CPA5: variants seen among roughly 807,000 people sequenced by gnomAD.
The protein encoded by CPA5 is testicular tissue protein Li 32.
CPA5 carries 38 observed loss-of-function variants against 52.2 expected under a neutral mutation model. The ratio of observed to expected loss-of-function variants is 0.73; its 90% CI spans 0.56 to 0.95. The LOEUF is 0.95. Among genes scored for constraint, CPA5 ranks in the 40% least tolerant of loss-of-function variants. The pLI, the probability that CPA5 is intolerant of heterozygous loss-of-function variation, is 0.00. For synonymous variants in CPA5, 198 were observed against 213.7 expected (o/e 0.93, Z 0.64); for missense variants, 519 against 566.7 (o/e 0.92, Z 0.86).
chr7:130,349,948 GCTCT>G (rs782233449), intron 4 of CPA5, 23 bp from the exon 5 acceptor site: 17 of 1,604,954 alleles, frequency 1.1e-5, no homozygotes, highest in Non-Finnish European at 1.4e-5. Context: ...GAGTAATGCA[GCTCT>G]CTCTCTTTCC....
Position 130,345,035 on chromosome 7 carries a change from T to C in CPA5, c.-322T>C, listed in dbSNP as rs1304995387. The C allele has an allele frequency of 2.6e-5, 4 of 152,232 alleles. No individual in the cohort carries two copies. Among genetic ancestry groups the C allele is most frequent in the Non-Finnish European group, 5.9e-5 (4 of 68,050 alleles). 9.4% of individuals were successfully genotyped at this position (152,232 alleles called of 1,614,324 possible). A position where few individuals can be genotyped will look rare whatever the true frequency, so the allele number is the denominator to read the frequency against. On this transcript the variant is annotated 5_prime_UTR_variant, in exon 1 of 13. Transcript: ENST00000474905. ...TATTGTTTAGCAGTACACCCTTTTA[T>C]CTCCATTGCTACTGAAGCTGAATGT...
At chr7:130,346,698 G>A in intron 3 of CPA5, 97 bp downstream of exon 3, 2 of 954,640 alleles carry the variant, frequency 2.1e-6, no homozygotes, top group Non-Finnish European at 3.3e-6. Context: ...CCTGATCAAG[G>A]CGGAGAGTCA....
intron 6 of CPA5, 79 bp downstream of exon 6, chr7:130,359,766 T>C: frequency 1.1e-6 from 1 of 938,742 alleles, no homozygotes; most frequent in Non-Finnish European, 1.7e-6. Context: ...CAGAAACTAG[T>C]GAAGGACTCC....
chr7:130,364,007 A>G (rs563350243), intron 10 of CPA5, among the ~76,000 whole-genome samples: 6 of 152,172 alleles, frequency 3.9e-5, no homozygotes, highest in South Asian at 2.1e-4. Flanking sequence ...CAAGTGTCCA[A>G]TAGAATTAAC....
intron 5 of CPA5, among the ~76,000 whole-genome samples, chr7:130,352,793 C>G (rs1367901190): frequency 6.6e-6 from 1 of 151,608 alleles, no homozygotes; most frequent in East Asian, 1.9e-4. Flanking sequence ...CGAGCGAGCT[C>G]TATTTGCATT....
chr7:130,362,525 T>C lies in CPA5; in HGVS notation c.622T>C (p.Trp208Arg). ...REWITHATGIWTANKIVSDYG... is the reference protein window; with the variant it reads ...REWITHATGIRTANKIVSDYG... ...GTGGATCACCCATGCCACCGGCATCTGGACTGCCAATAAGGTCAGCATGGA... is the reference window on the plus strand; with the variant it reads ...GTGGATCACCCATGCCACCGGCATCCGGACTGCCAATAAGGTCAGCATGGA... Residue 208 changes from tryptophan to arginine, a missense_variant, in exon 8 of 13, where the codon TGG becomes CGG. Physicochemically the swap from Trp to Arg is moderately radical, Grantham distance 101. Transcript: ENST00000474905. 2 of 1,612,950 alleles carry C rather than the reference T, an allele frequency of 1.2e-6. No individual in the cohort carries two copies. The highest frequency in any genetic ancestry group is 1.7e-6 in the Non-Finnish European group (2 of 1,179,062).
intron 11 of CPA5, 101 bp downstream of exon 11, chr7:130,367,672 G>C (rs755590437): frequency 3.3e-6 from 4 of 1,227,662 alleles, no homozygotes; most frequent in Non-Finnish European, 4.8e-6. Flanking sequence ...TCTGAATGCA[G>C]GGGTCTGGGC....
At chr7:130,357,717 C>CT (rs1310928713) in intron 5 of CPA5, among the ~76,000 whole-genome samples, 1 of 151,754 alleles carries the variant, frequency 6.6e-6, no homozygotes, top group African/African-American at 2.4e-5. Flanking sequence ...AATCTGCCTT[C>CT]TTCTATCTTA....
intron 7 of CPA5, among the ~76,000 whole-genome samples, chr7:130,361,872 T>C (rs888107701): frequency 6.6e-6 from 1 of 152,216 alleles, no homozygotes; most frequent in Non-Finnish European, 1.5e-5. Flanking sequence ...GGCAGGTGCC[T>C]GCTGCTGCTC....
At chr7:130,358,449 C>G (rs1795615410) in intron 5 of CPA5, among the ~76,000 whole-genome samples, 1 of 152,174 alleles carries the variant, frequency 6.6e-6, no homozygotes, top group Non-Finnish European at 1.5e-5. Flanking sequence ...TGCTTTAGCT[C>G]TAAAACAGAA....
chr7:130,350,936 G>T (rs962198379), intron 5 of CPA5, among the ~76,000 whole-genome samples: 8 of 152,206 alleles, frequency 5.3e-5, no homozygotes, highest in Non-Finnish European at 1.0e-4. Context: ...TGCTGGCCGT[G>T]TACCTGTGGA....
At chr7:130,352,826 T>A (rs1795246966) in intron 5 of CPA5, among the ~76,000 whole-genome samples, 1 of 152,048 alleles carries the variant, frequency 6.6e-6, no homozygotes, top group South Asian at 2.1e-4. Flanking sequence ...ACCTCGTTCT[T>A]TTCAGCCCTT....
intron 5 of CPA5, among the ~76,000 whole-genome samples, chr7:130,354,145 C>G (rs577958453): frequency 6.6e-6 from 1 of 152,196 alleles, no homozygotes; most frequent in African/African-American, 2.4e-5. Context: ...CCAGGCTGCT[C>G]TTGAACTCCT....
intron 6 of CPA5, 50 bp downstream of exon 6, chr7:130,359,737 T>C: frequency 7.6e-7 from 1 of 1,316,272 alleles, no homozygotes; most frequent in Middle Eastern, 1.8e-4. Flanking sequence ...TTGGGCCCCT[T>C]AGGGTCTCCT....
intron 10 of CPA5, among the ~76,000 whole-genome samples, chr7:130,366,729 A>T (rs957644769): frequency 6.6e-6 from 1 of 152,168 alleles, no homozygotes; most frequent in African/African-American, 2.4e-5. Context: ...GCTTCAGCTG[A>T]CACCGAGTCT....
At position 130,350,067 on chromosome 7, in the gene CPA5, G is replaced by A. The variant is rs1299533184; in HGVS notation, c.291G>A (p.Glu97=). 2 of 1,613,902 alleles carry A rather than the reference G, an allele frequency of 1.2e-6. No individual in the cohort carries two copies. The highest frequency in any genetic ancestry group is 2.2e-5 in the East Asian group (1 of 44,888). The change falls in exon 5 of 13, where the codon GAG becomes GAA. Residue 97 remains glutamate, a synonymous_variant. Transcript: ENST00000474905. ...SELKDIKAYL[E]SHGLAYSIMI... Reference sequence around the variant, plus strand: ...TGAAAGACATCAAAGCTTATCTGGAGTCTCATGGACTTGCTTACAGCATCA... The same window carrying A: ...TGAAAGACATCAAAGCTTATCTGGAATCTCATGGACTTGCTTACAGCATCA...
intron 5 of CPA5, among the ~76,000 whole-genome samples, chr7:130,358,362 C>G (rs1318925297): frequency 6.6e-6 from 1 of 152,108 alleles, no homozygotes; most frequent in African/African-American, 2.4e-5. Context: ...CCCAAGGGTA[C>G]AGACTAGAAT....
chr7:130,372,681 T>C (rs1554410058), downstream of CPA5, among the ~76,000 whole-genome samples: 1 of 152,228 alleles, frequency 6.6e-6, no homozygotes, highest in Non-Finnish European at 1.5e-5. Flanking sequence ...CATGCGGCCA[T>C]GCCTAGCTGT....
chr7:130,361,240 T>C lies in CPA5; in HGVS notation c.530T>C (p.Leu177Pro). ...NSFENQSILV[L>P]KFSTGGSRHP... ...TTTGAAAACCAGTCCATTCTTGTCC[T>C]GAAGGTAAAAGCCCACAATGTCAAC... is the stretch of plus-strand genomic sequence containing the variant. Residue 177 changes from leucine (L) to proline (P), a missense_variant, in exon 7 of 13, where the codon CTG (leucine) becomes CCG (proline). Leu to Pro is a moderately conservative substitution (Grantham distance 98). Coordinates refer to ENST00000474905, the MANE Select transcript of CPA5 (RefSeq NM_080385.5). The C allele has an allele frequency of 6.2e-7, 1 of 1,609,924 alleles. No individual in the cohort carries two copies. The highest frequency in any genetic ancestry group is 8.5e-7 in the Non-Finnish European group (1 of 1,176,140).
Sources: allele counts gnomAD v4.1 joint callset (sites outside exome capture counted in the v4.1 genomes callset), GRCh38; gene constraint gnomAD v4.1.1; transcripts MANE v1.5; gene names NCBI Gene and HGNC (gene_info 2026-07-23, HGNC 2026-07-21).